The following ZSCAN23 variants were observed in gnomAD, a reference collection of about 807,000 sequenced individuals.
ZSCAN23 encodes zinc finger and SCAN domain-containing protein 23.
In ZSCAN23, 19 loss-of-function variants were observed where a neutral mutation model predicts 19.3. That is an observed-to-expected ratio of 0.99 (90% confidence interval 0.69 to 1.45). The LOEUF (loss-of-function observed/expected upper bound fraction) is 1.45. ZSCAN23 is among the 40% of genes most tolerant of loss of function. The probability of loss-of-function intolerance (pLI) is 0.00; values close to 1 mark genes in which losing one functional copy is unlikely to be tolerated. For missense variants in ZSCAN23, 372 were observed against 462.5 expected (o/e 0.80, Z 1.79); for synonymous variants, 140 against 166.2 (o/e 0.84, Z 1.21).
At chr6:28,430,960 T>C (rs147875702), downstream of ZSCAN23, among the ~76,000 whole-genome samples, 194 of 152,346 alleles carry the variant, frequency 1.3e-3, no homozygotes, top group Non-Finnish European at 7.3e-5. Flanking sequence ...GGTTGAACAC[T>C]GTACTCCATC....
rs1319305553 is a variant in ZSCAN23, at chr6:28,433,562, T to C, written c.*903A>G. The C allele has an allele frequency of 6.7e-6, 1 of 150,110 alleles. No homozygotes were observed. Among genetic ancestry groups the C allele is most frequent in the Non-Finnish European group, 1.5e-5 (1 of 67,684 alleles). The allele number at this position is 150,110 out of a possible 1,614,324, so 9.3% of individuals were successfully genotyped here. A position where few individuals can be genotyped will look rare whatever the true frequency, so the allele number is the denominator to read the frequency against. ...CTAAGTCAATGTTAAGGGAAATAAATTTTTTTATTTATGATCTTGGTGGTA... is the reference window on the plus strand; with the variant it reads ...CTAAGTCAATGTTAAGGGAAATAAACTTTTTTATTTATGATCTTGGTGGTA... On this transcript the variant is annotated 3_prime_UTR_variant, in exon 4 of 4. Transcript: ENST00000289788.
At chr6:28,426,842 C>G in the ZSCAN23 span, among the ~76,000 whole-genome samples, 1 of 152,164 alleles carries the variant, frequency 6.6e-6, no homozygotes, top group Admixed American at 6.5e-5. Flanking sequence ...AGAGTTTTTT[C>G]TCTCATTGCC....
chr6:28,421,831 C>A, the ZSCAN23 span, among the ~76,000 whole-genome samples: 1 of 151,934 alleles, frequency 6.6e-6, no homozygotes, highest in Non-Finnish European at 1.5e-5. Flanking sequence ...ACATATCAAC[C>A]CATCACAATG....
chr6:28,432,423 G>T (rs1158801376), downstream of ZSCAN23, among the ~76,000 whole-genome samples: 1 of 152,026 alleles, frequency 6.6e-6, no homozygotes, highest in Non-Finnish European at 1.5e-5. Context: ...CCCGCAATAA[G>T]CCTTAAGTAG....
chr6:28,425,844 T>C, the ZSCAN23 span, among the ~76,000 whole-genome samples: 1 of 152,334 alleles, frequency 6.6e-6, no homozygotes. Flanking sequence ...TCATCCACTA[T>C]CTTAGCTAGG....
At position 28,434,560 on chromosome 6, in the gene ZSCAN23, T is replaced by C. The variant is rs769641401; in HGVS notation, c.1075A>G (p.Arg359Gly). The C allele has an allele frequency of 1.1e-5, 17 of 1,554,384 alleles. No homozygotes were observed. The highest frequency in any genetic ancestry group is 1.5e-5 in the Non-Finnish European group (17 of 1,148,518). Residue 359 changes from arginine to glycine, a missense_variant, in exon 4 of 4, where the codon AGA (arginine) becomes GGA (glycine). Arg to Gly is a moderately radical substitution (Grantham distance 125). Coordinates refer to ENST00000289788, the MANE Select transcript of ZSCAN23 (RefSeq NM_001012455.2). ...IKHQRIHTGE[R>G]PYECEECGKN... ...CCACATTCTTCACATTCATAAGGTC[T>C]CTCTCCAGTGTGAATTCTCTGATGC...
chr6:28,430,514 T>C (rs740622), downstream of ZSCAN23, among the ~76,000 whole-genome samples: 52,372 of 151,998 alleles, frequency 0.34, 9,585 homozygotes, highest in African/African-American at 0.47. Flanking sequence ...TGTTGGCTTG[T>C]TCTCCATTGT....
At chr6:28,438,398 C>A (rs2114038260) in intron 1 of ZSCAN23, among the ~76,000 whole-genome samples, 1 of 152,214 alleles carries the variant, frequency 6.6e-6, no homozygotes, top group South Asian at 2.1e-4. Flanking sequence ...CGCCCAGCAA[C>A]CCTACACTAT....
At chr6:28,423,547 T>G in the ZSCAN23 span, among the ~76,000 whole-genome samples, 2 of 152,218 alleles carry the variant, frequency 1.3e-5, no homozygotes, top group Admixed American at 1.3e-4. Context: ...GTATCACTGG[T>G]CTCCACCACT....
chr6:28,435,135 T>TTG (rs1761851839), intron 3 of ZSCAN23, 57 bp from the exon 4 acceptor site: 1 of 1,461,004 alleles, frequency 6.8e-7, no homozygotes, highest in African/African-American at 1.4e-5. Context: ...CAGATTATCT[T>TTG]TCCAAAGACA....
downstream of ZSCAN23, among the ~76,000 whole-genome samples, chr6:28,427,413 T>A (rs1761679079): frequency 6.6e-6 from 1 of 152,238 alleles, no homozygotes; most frequent in Admixed American, 6.5e-5. Flanking sequence ...CTTTAGGCAA[T>A]TTCATCATTG....
rs751317998 is a variant in ZSCAN23 at position 28,435,848 on chromosome 6, C to T, written c.408+11G>A. 6.4e-7 allele frequency: 1 copy of T among 1,560,562 alleles called. No homozygotes were observed. Among genetic ancestry groups the T allele is most frequent in the African/African-American group, 1.4e-5 (1 of 72,956 alleles). On this transcript the variant is annotated intron_variant, in intron 2 of 3. Transcript: ENST00000289788. ...TTATAGGTACAAATCCCTGTTCTCCCATCTTCTCACCTGCTCTCCTGGGTC... is the reference window on the plus strand; with the variant it reads ...TTATAGGTACAAATCCCTGTTCTCCTATCTTCTCACCTGCTCTCCTGGGTC...
chr6:28,438,558 G>A lies in ZSCAN23; in HGVS notation c.-77-2215C>T, dbSNP rs1254451193. On this transcript the variant is annotated intron_variant, in intron 1 of 3. Transcript: ENST00000289788. ...ATTGACCCACAGTTCAGCATGGCTGGGGAGGCCTCAGGAAACTTACAATCA... is the reference window on the plus strand; with the variant it reads ...ATTGACCCACAGTTCAGCATGGCTGAGGAGGCCTCAGGAAACTTACAATCA... Among the ~76,000 whole-genome samples, 3 of 152,140 alleles carry A rather than the reference G, an allele frequency of 2.0e-5. No homozygotes were observed. In the East Asian group the frequency reaches 5.8e-4, roughly 29 times the overall value.
the ZSCAN23 span, among the ~76,000 whole-genome samples, chr6:28,422,208 A>G: frequency 6.6e-6 from 1 of 152,060 alleles, no homozygotes; most frequent in Admixed American, 6.6e-5. This position sits in a 1 kb window ranked among gnomAD's most constrained non-coding sequence, Gnocchi z 4.0. Context: ...TATATGCTTA[A>G]ACTTTTTTCA....
Position 28,435,229 on chromosome 6 carries a change from T to C in ZSCAN23, c.557-151A>G, listed in dbSNP as rs73396315. On this transcript the variant is annotated intron_variant, in intron 3 of 3. Coordinates refer to ENST00000289788, the MANE Select transcript of ZSCAN23 (RefSeq NM_001012455.2). ...TTATTTTTCCACTCTAAAGCTATTA[T>C]ACCCAGACCTCAGGGAAAAGATGCA... is the stretch of plus-strand genomic sequence containing the variant. 4.2e-3 allele frequency among the ~76,000 whole-genome samples: 633 copies of C among 152,330 alleles called. 6 individuals are homozygous for C. The highest frequency in any genetic ancestry group is 0.014 in the African/African-American group (565 of 41,580).
intron 1 of ZSCAN23, among the ~76,000 whole-genome samples, chr6:28,441,339 A>C (rs1561981211): frequency 1.3e-5 from 2 of 152,064 alleles, no homozygotes; most frequent in East Asian, 3.9e-4. Flanking sequence ...GTCTGGCTCC[A>C]CTCTTGGTTT....
chr6:28,431,437 A>G (rs1051775275), downstream of ZSCAN23, among the ~76,000 whole-genome samples: 2 of 152,228 alleles, frequency 1.3e-5, no homozygotes, highest in African/African-American at 4.8e-5. Context: ...AATAAATTAT[A>G]TAGTTACCTT....
downstream of ZSCAN23, among the ~76,000 whole-genome samples, chr6:28,431,634 A>G (rs989650295): frequency 5.9e-5 from 9 of 152,138 alleles, no homozygotes; most frequent in Non-Finnish European, 1.2e-4. Flanking sequence ...GGCATAGAAA[A>G]ATGGGGATAG....
intron 1 of ZSCAN23, among the ~76,000 whole-genome samples, chr6:28,438,047 G>A (rs765386564): frequency 6.6e-6 from 1 of 151,950 alleles, no homozygotes; most frequent in Non-Finnish European, 1.5e-5. Flanking sequence ...TAAAATTGTT[G>A]TAATCCATTG....
Sources: gnomAD v4.1 joint callset for allele counts (sites outside exome capture counted in the v4.1 genomes callset) on GRCh38, gnomAD v4.1.1 for gene constraint, Gnocchi (gnomAD v3.1) non-coding constraint, MANE v1.5 for transcripts, NCBI Gene and HGNC (gene_info 2026-07-23, HGNC 2026-07-21) for gene names.